The following DLG2 variants were observed in gnomAD, a reference collection of about 807,000 sequenced individuals.
The protein encoded by DLG2 is discs large MAGUK scaffold protein 2.
Under a neutral mutation model 132.5 loss-of-function variants are expected in DLG2, and 45 were observed. The observed-to-expected ratio is 0.34, with a 90% CI of 0.27 to 0.44. The LOEUF is 0.44. Ranked by LOEUF, DLG2 falls within the 20% of genes least tolerant of loss-of-function variation. The pLI, the probability that DLG2 is intolerant of heterozygous loss-of-function variation, is 1.00. For missense variants in DLG2, 1,045 were observed against 1,196.9 expected (o/e 0.87, Z 1.87); for synonymous variants, 424 against 419.6 (o/e 1.01, Z -0.13).
intron 7 of DLG2, among the ~76,000 whole-genome samples, chr11:84,409,006 G>A (rs1002665383): frequency 6.6e-5 from 10 of 152,142 alleles, no homozygotes; most frequent in African/African-American, 1.9e-4. Flanking sequence ...AAAATCCTCC[G>A]ATGACTCACC....
intron 3 of DLG2, among the ~76,000 whole-genome samples, chr11:85,442,467 A>G (rs1270880094): frequency 1.3e-5 from 2 of 152,204 alleles, no homozygotes; most frequent in Non-Finnish European, 2.9e-5. Context: ...GGAATCAAAA[A>G]TGACTCATCA....
At chr11:85,468,289 G>A (rs938335545) in intron 3 of DLG2, among the ~76,000 whole-genome samples, 7 of 151,944 alleles carry the variant, frequency 4.6e-5, no homozygotes, top group Non-Finnish European at 1.0e-4. Context: ...TTTTTTGAGG[G>A]GATTTTTGTG....
intron 6 of DLG2, among the ~76,000 whole-genome samples, chr11:84,902,013 T>C (rs2090949308): frequency 1.3e-5 from 2 of 152,150 alleles, no homozygotes; most frequent in African/African-American, 2.4e-5. Flanking sequence ...TTTCTTCCTA[T>C]TGCCCTAATA....
At chr11:85,583,126 G>GTATATATATA (rs1163054982) in intron 3 of DLG2, among the ~76,000 whole-genome samples, 4 of 34,300 alleles carry the variant, frequency 1.2e-4, no homozygotes, top group Non-Finnish European at 1.8e-4. Flanking sequence ...GTGTGTGTGT[G>GTATATATATA]TGTGTATATA....
chr11:85,129,170 C>A (rs946224191), intron 5 of DLG2, among the ~76,000 whole-genome samples: 1 of 152,126 alleles, frequency 6.6e-6, no homozygotes, highest in African/African-American at 2.4e-5. Context: ...TGGACAGAAA[C>A]ATTTGAGAAA....
At chr11:84,069,850 G>A (rs2096730612) in intron 10 of DLG2, among the ~76,000 whole-genome samples, 2 of 152,212 alleles carry the variant, frequency 1.3e-5, no homozygotes, top group Admixed American at 1.3e-4. Flanking sequence ...ATGGAAAAGA[G>A]ACATTGAATA....
intron 19 of DLG2, among the ~76,000 whole-genome samples, chr11:83,563,555 G>A (rs17145564): frequency 0.023 from 3,551 of 152,264 alleles, 94 homozygotes; most frequent in African/African-American, 0.063. Flanking sequence ...TTAATGATGG[G>A]ACTGAAGAGT....
At chr11:83,747,924 C>A (rs1462089724) in intron 18 of DLG2, among the ~76,000 whole-genome samples, 1 of 152,070 alleles carries the variant, frequency 6.6e-6, no homozygotes, top group African/African-American at 2.4e-5. Context: ...GTACTAACTC[C>A]TTGTAATAAT....
intron 10 of DLG2, among the ~76,000 whole-genome samples, chr11:84,071,843 A>T (rs370366455): frequency 6.6e-6 from 1 of 152,352 alleles, no homozygotes; most frequent in East Asian, 1.9e-4. Flanking sequence ...ATATATAACA[A>T]ATAGAGGGAG....
intron 6 of DLG2, among the ~76,000 whole-genome samples, chr11:84,683,891 T>C (rs1409949406): frequency 6.6e-6 from 1 of 152,192 alleles, no homozygotes; most frequent in Non-Finnish European, 1.5e-5. Flanking sequence ...ATCCCAGTTA[T>C]AAATGTTGAC....
chr11:83,896,231 T>C (rs976616378), intron 15 of DLG2, among the ~76,000 whole-genome samples: 2 of 152,254 alleles, frequency 1.3e-5, no homozygotes, highest in African/African-American at 2.4e-5. Context: ...AAATAGATTC[T>C]GCTCTGCTCC....
intron 11 of DLG2, among the ~76,000 whole-genome samples, chr11:84,023,062 C>G (rs10501552): frequency 0.27 from 41,169 of 151,926 alleles, 5,792 homozygotes; most frequent in East Asian, 0.48. Flanking sequence ...AAAATACTAT[C>G]AATCCAACCT....
chr11:84,668,318 AGT>A (rs2099702069), intron 6 of DLG2, among the ~76,000 whole-genome samples: 1 of 152,172 alleles, frequency 6.6e-6, no homozygotes, highest in Admixed American at 6.5e-5. Context: ...TCTATCCCAT[AGT>A]GTGTTTGTAG....
rs77509730 is a variant in DLG2, at chr11:84,679,716, G to A, written c.358-144985C>T. ...TAAAGTCATTTAGTCTTCACACTTC[G>A]TCTATGAACTAGTGCGATTGTGAGC... On this transcript the variant is annotated intron_variant, in intron 6 of 27. Coordinates refer to ENST00000376104, the MANE Select transcript of DLG2 (RefSeq NM_001142699.3). Among the ~76,000 whole-genome samples, 928 of 152,142 alleles carry A rather than the reference G, an allele frequency of 6.1e-3. 4 individuals carry two copies. The highest frequency in any genetic ancestry group is 0.01 in the Non-Finnish European group (692 of 67,956).
At chr11:83,946,092 C>G (rs115629247) in intron 14 of DLG2, among the ~76,000 whole-genome samples, 2,682 of 151,024 alleles carry the variant, frequency 0.018, 87 homozygotes, top group African/African-American at 0.061. Flanking sequence ...CAGGTTCTAG[C>G]AATTCTCCTG....
At chr11:85,487,619 A>C (rs898069746) in intron 3 of DLG2, among the ~76,000 whole-genome samples, 2 of 152,066 alleles carry the variant, frequency 1.3e-5, no homozygotes, top group Non-Finnish European at 2.9e-5. Flanking sequence ...GAAATAATCC[A>C]GTCAGACAAA....
chr11:84,755,455 G>A (rs2066736435), intron 6 of DLG2, among the ~76,000 whole-genome samples: 2 of 152,026 alleles, frequency 1.3e-5, no homozygotes, highest in Admixed American at 6.6e-5. Flanking sequence ...ACGGAGTCTC[G>A]CTCTGTAGCC....
chr11:83,583,129 A>C (rs1182992702), intron 19 of DLG2, among the ~76,000 whole-genome samples: 2 of 152,250 alleles, frequency 1.3e-5, no homozygotes, highest in East Asian at 3.8e-4. Flanking sequence ...GTAAAAGTGC[A>C]CTAGTTAAAT....
At chr11:83,535,513 A>G (rs924978144) in intron 20 of DLG2, among the ~76,000 whole-genome samples, 1 of 152,140 alleles carries the variant, frequency 6.6e-6, no homozygotes, top group African/African-American at 2.4e-5. Context: ...CTCTGTTAGG[A>G]AGATTTTAAT....
Sources: allele counts gnomAD v4.1 joint callset (sites outside exome capture counted in the v4.1 genomes callset), GRCh38; gene constraint gnomAD v4.1.1; transcripts MANE v1.5; gene names NCBI Gene and HGNC (gene_info 2026-07-23, HGNC 2026-07-21).